Variants in FRMD6 observed in about 807,000 individuals in gnomAD.
FRMD6 encodes FERM domain-containing protein 6.
FRMD6 carries 37 observed loss-of-function variants against 73.2 expected under a neutral mutation model. The ratio of observed to expected loss-of-function variants is 0.51; its 90% CI spans 0.39 to 0.66. FRMD6 has a LOEUF of 0.66. Among genes scored for constraint, FRMD6 ranks in the 30% least tolerant of loss-of-function variants. The probability of loss-of-function intolerance (pLI) is 0.00; values close to 1 mark genes in which losing one functional copy is unlikely to be tolerated. For missense variants in FRMD6, 714 were observed against 780.5 expected (o/e 0.91, Z 1.02); for synonymous variants, 273 against 282.2 (o/e 0.97, Z 0.33).
intron 1 of FRMD6, among the ~76,000 whole-genome samples, chr14:51,689,211 C>T (rs1465252291): frequency 6.6e-6 from 1 of 152,108 alleles, no homozygotes; most frequent in Non-Finnish European, 1.5e-5. Flanking sequence ...TTGGCAGAGC[C>T]ATGTTGGTGA....
At chr14:51,414,698 A>G in the FRMD6 span, among the ~76,000 whole-genome samples, 5 of 152,154 alleles carry the variant, frequency 3.3e-5, no homozygotes, top group African/African-American at 9.7e-5. Flanking sequence ...GAAGAAAGTC[A>G]TTGGTAGTTT....
At chr14:51,694,383 A>G (rs1895806717) in intron 2 of FRMD6, among the ~76,000 whole-genome samples, 2 of 152,292 alleles carry the variant, frequency 1.3e-5, no homozygotes, top group East Asian at 3.9e-4. Flanking sequence ...ATCACATACT[A>G]TTTTAATTTA....
chr14:51,627,625 A>G (rs1002770916), intron 2 of FRMD6, among the ~76,000 whole-genome samples: 1 of 152,180 alleles, frequency 6.6e-6, no homozygotes, highest in South Asian at 2.1e-4. Context: ...TGAAAGATCA[A>G]ACAAAGCAAG....
chr14:51,481,445 A>G, the FRMD6 span, among the ~76,000 whole-genome samples: 10 of 152,160 alleles, frequency 6.6e-5, no homozygotes, highest in Admixed American at 6.5e-5. Flanking sequence ...AGTATGGGGG[A>G]ACCGCCCCCA....
chr14:51,555,149 C>T (rs1338444346), intron 1 of FRMD6, among the ~76,000 whole-genome samples: 1 of 152,128 alleles, frequency 6.6e-6, no homozygotes, highest in Non-Finnish European at 1.5e-5. Context: ...ACCAAAGGGC[C>T]ACCAGATGGC....
the FRMD6 span, among the ~76,000 whole-genome samples, chr14:51,412,158 G>A: frequency 9.2e-5 from 14 of 151,912 alleles, no homozygotes; most frequent in East Asian, 3.9e-4. Context: ...ACTTTTTGTC[G>A]GAGGCTAACA....
chr14:51,651,900 A>T (rs1223241975), upstream of FRMD6: 3 of 151,632 alleles, frequency 2.0e-5, no homozygotes, highest in Admixed American at 2.0e-4. Flanking sequence ...TGGCGGGGCC[A>T]AGGGGCTGAG....
intron 1 of FRMD6, among the ~76,000 whole-genome samples, chr14:51,495,674 A>G (rs982627185): frequency 2.0e-5 from 3 of 152,214 alleles, no homozygotes; most frequent in African/African-American, 4.8e-5. Flanking sequence ...CTGAGGACTG[A>G]CACTGAGCCA....
At chr14:51,550,300 G>T (rs1035344101) in intron 1 of FRMD6, among the ~76,000 whole-genome samples, 4 of 152,146 alleles carry the variant, frequency 2.6e-5, no homozygotes, top group African/African-American at 9.7e-5. Context: ...GTACTGGGGT[G>T]CAATCATGGC....
At chr14:51,658,564 T>C (rs1892999282) in intron 1 of FRMD6, among the ~76,000 whole-genome samples, 1 of 152,198 alleles carries the variant, frequency 6.6e-6, no homozygotes, top group Non-Finnish European at 1.5e-5. Context: ...CCCTCTTTTC[T>C]CCCTTTTTGT....
At chr14:51,548,258 G>A (rs1239116501) in intron 1 of FRMD6, among the ~76,000 whole-genome samples, 1 of 152,190 alleles carries the variant, frequency 6.6e-6, no homozygotes, top group Admixed American at 6.5e-5. Flanking sequence ...AAATGAGAAT[G>A]TTCATTCTCG....
At chr14:51,573,738 C>T (rs1359639466) in intron 2 of FRMD6, among the ~76,000 whole-genome samples, 1 of 152,174 alleles carries the variant, frequency 6.6e-6, no homozygotes, top group Non-Finnish European at 1.5e-5. Context: ...ATTCAGGAGA[C>T]TGGACGCTTA....
chr14:51,410,618 G>T, the FRMD6 span, among the ~76,000 whole-genome samples: 1 of 152,270 alleles, frequency 6.6e-6, no homozygotes, highest in South Asian at 2.1e-4. Context: ...TTCAAGGTCA[G>T]ATATGTGAAA....
the FRMD6 span, among the ~76,000 whole-genome samples, chr14:51,422,201 C>T: frequency 3.3e-5 from 5 of 152,082 alleles, no homozygotes; most frequent in African/African-American, 4.8e-5. Context: ...GGTGTATTGA[C>T]ATAGTTCCGG....
intron 1 of FRMD6, among the ~76,000 whole-genome samples, chr14:51,687,536 C>T (rs1056791165): frequency 5.3e-5 from 8 of 151,788 alleles, no homozygotes; most frequent in Non-Finnish European, 8.8e-5. Context: ...TTCTATAGGA[C>T]CTTAATAGAT....
the FRMD6 span, among the ~76,000 whole-genome samples, chr14:51,464,019 A>C: frequency 7.9e-5 from 12 of 152,144 alleles, no homozygotes; most frequent in African/African-American, 2.7e-4. Flanking sequence ...TATGTTGCCC[A>C]GGCTGGTTTC....
intron 12 of FRMD6, among the ~76,000 whole-genome samples, chr14:51,725,136 G>A (rs1328601632): frequency 6.6e-6 from 1 of 152,180 alleles, no homozygotes; most frequent in African/African-American, 2.4e-5. Flanking sequence ...TCCATGTATA[G>A]TCCCTGTACC....
rs948583295 is a variant in FRMD6 at position 51,512,849 on chromosome 14, G to A, written c.-210+23429G>A. Among the ~76,000 whole-genome samples, 7 of 152,230 alleles carry A rather than the reference G, an allele frequency of 4.6e-5. No homozygotes were observed. In the South Asian group the frequency reaches 1.5e-3, roughly 32 times the overall value. The stretch of plus-strand genomic sequence containing the variant: ...AACTGTAGAGATCTTGACGTGGAAG[G>A]GGCTCCTGTCCTCACTGCCTGGATG... On this transcript the variant is annotated intron_variant, in intron 1 of 14. Transcript: ENST00000356218.
At chr14:51,516,430 A>C (rs1025303674) in intron 1 of FRMD6, among the ~76,000 whole-genome samples, 1 of 152,258 alleles carries the variant, frequency 6.6e-6, no homozygotes, top group African/African-American at 2.4e-5. Flanking sequence ...AGACTCGGAC[A>C]GTTAGCCAGG....
Sources: allele counts gnomAD v4.1 joint callset (sites outside exome capture counted in the v4.1 genomes callset), GRCh38; gene constraint gnomAD v4.1.1; transcripts MANE v1.5; gene names NCBI Gene and HGNC (gene_info 2026-07-23, HGNC 2026-07-21).